DDX60: variants seen among roughly 807,000 people sequenced by gnomAD.
DDX60 encodes DExD/H-box helicase 60.
Under a neutral mutation model 212.8 loss-of-function variants are expected in DDX60, and 165 were observed. That is an observed-to-expected ratio of 0.78 (90% CI 0.68 to 0.88). The LOEUF (loss-of-function observed/expected upper bound fraction) is 0.88, where lower values mean the gene tolerates loss of function less well. DDX60 is among the 40% of genes least tolerant of loss of function. The pLI is 0.00. For missense variants in DDX60, 1,905 were observed against 2,003.9 expected (o/e 0.95, Z 0.94); for synonymous variants, 703 against 685.3 (o/e 1.03, Z -0.40).
At chr4:168,297,151 C>T (rs1342131352) in intron 6 of DDX60, among the ~76,000 whole-genome samples, 2 of 151,900 alleles carry the variant, frequency 1.3e-5, no homozygotes, top group East Asian at 3.9e-4. Flanking sequence ...CCTTGTGATT[C>T]ACCTACCTTG....
rs998062076 is a variant in DDX60 at position 168,267,975 on chromosome 4, T to C, written c.2795A>G (p.Gln932Arg). The stretch of plus-strand genomic sequence containing the variant: ...TTGTTTCCAGTACCATTTTACCGAT[T>C]GTAGCCACCTTAAAAAATAAATGTA... Reference protein sequence around the residue: ...SNPEHLTEWLQSVKWYWKQED... With the variant: ...SNPEHLTEWLRSVKWYWKQED... Residue 932 changes from glutamine to arginine, a missense_variant, in exon 21 of 38, where the codon CAA becomes CGA. Transcript: ENST00000393743. The C allele has an allele frequency of 6.2e-7, 1 of 1,608,182 alleles. No individual in the cohort carries two copies. The highest frequency in any genetic ancestry group is 8.5e-7 in the Non-Finnish European group (1 of 1,177,464).
intron 28 of DDX60, among the ~76,000 whole-genome samples, chr4:168,249,614 C>T (rs1191466240): frequency 6.6e-6 from 1 of 152,086 alleles, no homozygotes; most frequent in African/African-American, 2.4e-5. Flanking sequence ...TCTCATTAAC[C>T]TATTAGTAAT....
At chr4:168,246,394 C>T (rs1446225285) in intron 30 of DDX60, 24 bp downstream of exon 30, 1 of 1,612,972 alleles carries the variant, frequency 6.2e-7, no homozygotes, top group Non-Finnish European at 8.5e-7. Context: ...AAGACTGAAC[C>T]TCAGGCAGTG....
chr4:168,291,620 G>T, intron 8 of DDX60, 128 bp downstream of exon 8: 1 of 651,718 alleles, frequency 1.5e-6, no homozygotes, highest in Non-Finnish European at 2.3e-6. Flanking sequence ...GACTGATGTA[G>T]CCCATTAAAC....
At chr4:168,293,593 T>C (rs1411200764) in intron 7 of DDX60, among the ~76,000 whole-genome samples, 194 bp downstream of exon 7, 1 of 152,220 alleles carries the variant, frequency 6.6e-6, no homozygotes, top group Admixed American at 6.5e-5. Flanking sequence ...AACATGCACA[T>C]AGTAAAACAT....
Position 168,284,937 on chromosome 4 carries a change from T to C in DDX60, c.1446-2A>G. ...AGTGAAGTAACAATAGGATCATCACTGTGAGACAAAAAAAGGCATATTTTA... is the reference window on the plus strand; with the variant it reads ...AGTGAAGTAACAATAGGATCATCACCGTGAGACAAAAAAAGGCATATTTTA... On this transcript the variant is annotated splice_acceptor_variant, in intron 11 of 37. Coordinates refer to ENST00000393743, the MANE Select transcript of DDX60 (RefSeq NM_017631.6). LOFTEE classifies it high-confidence loss of function. The C allele has an allele frequency of 6.7e-7, 1 of 1,494,474 alleles. No individual in the cohort carries two copies. Among genetic ancestry groups the C allele is most frequent in the East Asian group, 2.3e-5 (1 of 43,800 alleles). 92.6% of individuals were successfully genotyped at this position (1,494,474 alleles called of 1,614,324 possible). A position where few individuals can be genotyped will look rare whatever the true frequency, so the allele number is the denominator to read the frequency against.
At chr4:168,251,759 C>T (rs1734228927) in intron 27 of DDX60, among the ~76,000 whole-genome samples, 1 of 151,984 alleles carries the variant, frequency 6.6e-6, no homozygotes, top group South Asian at 2.1e-4. Context: ...CACCATGAAG[C>T]TTACAAAAGA....
Position 168,261,403 on chromosome 4 carries a change from A to G in DDX60, c.3274-414T>C, listed in dbSNP as rs72975355. Among the ~76,000 whole-genome samples the G allele has an allele frequency of 6.8e-3, 1,043 of 152,294 alleles. 11 individuals are homozygous for G. The highest frequency in any genetic ancestry group is 0.024 in the African/African-American group (994 of 41,570). ...CTAGAAGAAAATGTAACTCAATTAT[A>G]TTATGTTTTTGAATGGGAGTAGATT... is the stretch of plus-strand genomic sequence containing the variant. On this transcript the variant is annotated intron_variant, in intron 24 of 37. Transcript: ENST00000393743.
intron 30 of DDX60, among the ~76,000 whole-genome samples, chr4:168,241,202 T>G (rs577320354): frequency 2.0e-5 from 3 of 152,324 alleles, no homozygotes; most frequent in East Asian, 3.9e-4. Context: ...CCATTAAAAC[T>G]CTTTCTTTTG....
intron 29 of DDX60, 65 bp downstream of exon 29, chr4:168,248,123 A>G (rs1734084022): frequency 3.8e-6 from 4 of 1,045,974 alleles, no homozygotes; most frequent in Non-Finnish European, 5.6e-6. Flanking sequence ...AAAGGTTCAC[A>G]TGTTTTACTA....
At chr4:168,285,249 A>C in intron 11 of DDX60, 144 bp downstream of exon 11, 1 of 638,382 alleles carries the variant, frequency 1.6e-6, no homozygotes, top group Middle Eastern at 4.2e-4. Context: ...AAGGCATTGA[A>C]AATTTTGATT....
chr4:168,291,131 T>C (rs1178526715), intron 8 of DDX60, among the ~76,000 whole-genome samples: 1 of 151,990 alleles, frequency 6.6e-6, no homozygotes, highest in Admixed American at 6.5e-5. Context: ...ACCATGGTAC[T>C]AAAAGATAAC....
intron 37 of DDX60, 64 bp downstream of exon 37, chr4:168,220,591 C>T (rs1172226092): frequency 3.0e-6 from 3 of 993,300 alleles, no homozygotes; most frequent in South Asian, 1.7e-5. Flanking sequence ...AACAGCTCAA[C>T]ATTTTTCAAA....
In DDX60 at chr4:168,255,737, T is replaced by C. The variant is rs1189901728; in HGVS notation, c.3531A>G (p.Lys1177=). 10 of 1,591,792 alleles carry C rather than the reference T, an allele frequency of 6.3e-6. No homozygotes were observed. The highest frequency in any genetic ancestry group is 2.2e-5 in the East Asian group (1 of 44,588). The change falls in exon 26 of 38, where the codon AAA becomes AAG. Residue 1177 remains lysine (K), a synonymous_variant. Coordinates refer to ENST00000393743, the MANE Select transcript of DDX60 (RefSeq NM_017631.6). ...HVMANKLRKV[K]KSIEKQKIID... ...TGATCTTTTGTTTCTCTATGGATTT[T>C]TTAACTTTTCGAAGTTTGTTAGCCA... is the stretch of plus-strand genomic sequence containing the variant.
intron 5 of DDX60, among the ~76,000 whole-genome samples, chr4:168,304,270 T>G (rs1237680198): frequency 1.3e-5 from 2 of 152,060 alleles, no homozygotes; most frequent in Non-Finnish European, 2.9e-5. Flanking sequence ...GATCTGGAGG[T>G]GGAAGACAGT....
chr4:168,296,573 G>C lies in DDX60; in HGVS notation c.724-2628C>G, dbSNP rs116218565. Among the ~76,000 whole-genome samples, 1,471 of 152,018 alleles carry C rather than the reference G, an allele frequency of 9.7e-3. 16 individuals carry two copies. The highest frequency in any genetic ancestry group is 0.033 in the African/African-American group (1,376 of 41,476). On this transcript the variant is annotated intron_variant, in intron 6 of 37. Coordinates refer to ENST00000393743, the MANE Select transcript of DDX60 (RefSeq NM_017631.6). ...AACCCCACTAACATGCCTGGATTCT[G>C]ACAAGCTGGCAGAAAAAGATAACAT...
intron 33 of DDX60, among the ~76,000 whole-genome samples, chr4:168,230,861 GAAAC>G (rs1230362870): frequency 2.6e-5 from 4 of 151,908 alleles, no homozygotes; most frequent in African/African-American, 7.2e-5. Flanking sequence ...AAATGAAATT[GAAAC>G]AAACAAACAA....
At chr4:168,299,336 G>A (rs898833145) in intron 6 of DDX60, among the ~76,000 whole-genome samples, 1 of 151,618 alleles carries the variant, frequency 6.6e-6, no homozygotes, top group Non-Finnish European at 1.5e-5. Flanking sequence ...CAGTGATTCA[G>A]AGGAAAGTTT....
chr4:168,303,620 C>T (rs1302817325), intron 5 of DDX60, among the ~76,000 whole-genome samples: 1 of 152,208 alleles, frequency 6.6e-6, no homozygotes, highest in Non-Finnish European at 1.5e-5. Flanking sequence ...CATAACACCA[C>T]AGTGCAATGC....
Sources: gnomAD v4.1 joint callset for allele counts (sites outside exome capture counted in the v4.1 genomes callset) on GRCh38, gnomAD v4.1.1 for gene constraint, MANE v1.5 for transcripts, NCBI Gene and HGNC (gene_info 2026-07-23, HGNC 2026-07-21) for gene names.